Variants in NCOA1 observed in about 807,000 individuals in gnomAD.
The protein encoded by NCOA1 is Hin-2 protein.
In NCOA1, 35 loss-of-function variants were observed where a neutral mutation model predicts 150.9. That is an observed-to-expected ratio of 0.23 (90% confidence interval 0.18 to 0.31). NCOA1 has a LOEUF of 0.31. Among genes scored for constraint, NCOA1 ranks in the 10% least tolerant of loss-of-function variants. NCOA1 has a pLI of 1.00. For missense variants in NCOA1, 1,491 were observed against 1,749.3 expected (o/e 0.85, Z 2.63); for synonymous variants, 590 against 630.0 (o/e 0.94, Z 0.95).
intron 17 of NCOA1, among the ~76,000 whole-genome samples, chr2:24,734,804 T>TA (rs58003936): frequency 2.5e-4 from 37 of 149,116 alleles, no homozygotes; most frequent in East Asian, 9.8e-4. Flanking sequence ...ACCTTGTCTC[T>TA]AAAAAAAAAA....
At chr2:24,650,310 T>C (rs1193204464) in intron 4 of NCOA1, among the ~76,000 whole-genome samples, 2 of 151,960 alleles carry the variant, frequency 1.3e-5, no homozygotes, top group African/African-American at 4.8e-5. Context: ...TTAGGAGGCA[T>C]GCAAAGAAAC....
At chr2:24,625,082 G>A (rs752875951) in intron 3 of NCOA1, among the ~76,000 whole-genome samples, 4 of 152,018 alleles carry the variant, frequency 2.6e-5, no homozygotes, top group Non-Finnish European at 4.4e-5. Flanking sequence ...CTTGTCTCAC[G>A]GTAAGAAACA....
intron 1 of NCOA1, among the ~76,000 whole-genome samples, chr2:24,500,308 A>G (rs1022857776): frequency 2.6e-5 from 4 of 152,038 alleles, no homozygotes; most frequent in South Asian, 2.1e-4. Context: ...GGGTTTCTCC[A>G]TGTTGGTCAA....
intron 3 of NCOA1, among the ~76,000 whole-genome samples, chr2:24,586,981 A>AC (rs2148324237): frequency 6.6e-6 from 1 of 151,884 alleles, no homozygotes; most frequent in Admixed American, 6.6e-5. Context: ...TCTTCCTACT[A>AC]CCCTGGACCC....
At chr2:24,732,741 C>G (rs1321083965) in intron 17 of NCOA1, among the ~76,000 whole-genome samples, 1 of 152,068 alleles carries the variant, frequency 6.6e-6, no homozygotes, top group African/African-American at 2.4e-5. Context: ...ATCAAGGACC[C>G]AGGTTCTTTC....
chr2:24,613,388 AG>A (rs1236924836), intron 3 of NCOA1, among the ~76,000 whole-genome samples: 1 of 152,178 alleles, frequency 6.6e-6, no homozygotes, highest in Non-Finnish European at 1.5e-5. Context: ...GCTCAGCCCC[AG>A]GGGAGTGGGA....
chr2:24,621,772 G>T (rs1006598604), intron 3 of NCOA1, among the ~76,000 whole-genome samples: 1 of 152,064 alleles, frequency 6.6e-6, no homozygotes, highest in Admixed American at 6.5e-5. Context: ...GCGCCACCAC[G>T]CCCAGCCTTT....
intron 1 of NCOA1, among the ~76,000 whole-genome samples, chr2:24,557,594 A>G (rs1399128330): frequency 1.4e-5 from 2 of 147,668 alleles, no homozygotes; most frequent in East Asian, 2.0e-4. Flanking sequence ...ACCTGGTACT[A>G]TACTTCTGCC....
chr2:24,556,382 TTAGTC>T (rs1443373245), intron 1 of NCOA1, among the ~76,000 whole-genome samples: 2 of 152,224 alleles, frequency 1.3e-5, no homozygotes, highest in South Asian at 2.1e-4. Context: ...CACATTTTGT[TTAGTC>T]TATCATTGAT....
chr2:24,520,703 A>G (rs182739317), intron 1 of NCOA1, among the ~76,000 whole-genome samples: 3 of 152,234 alleles, frequency 2.0e-5, no homozygotes, highest in Non-Finnish European at 4.4e-5. Context: ...TGGTGTATAC[A>G]TGTGTCAAAA....
chr2:24,686,800 A>G (rs984923497), intron 8 of NCOA1, among the ~76,000 whole-genome samples: 1 of 152,202 alleles, frequency 6.6e-6, no homozygotes, highest in Non-Finnish European at 1.5e-5. Flanking sequence ...TTAGCAGCTT[A>G]TATTTGAGGG....
At chr2:24,692,507 G>T (rs188464324) in intron 9 of NCOA1, among the ~76,000 whole-genome samples, 59 of 152,206 alleles carry the variant, frequency 3.9e-4, no homozygotes, top group Admixed American at 1.1e-3. Flanking sequence ...GTGCTTCAGA[G>T]TTAAAGGTTG....
intron 1 of NCOA1, chr2:24,492,281 C>CA (rs1441595768): frequency 6.6e-6 from 1 of 152,270 alleles, no homozygotes; most frequent in Non-Finnish European, 1.5e-5. Flanking sequence ...GGAAGGGAAG[C>CA]AAACATGTTG....
chr2:24,524,495 CTG>C, intron 1 of NCOA1, among the ~76,000 whole-genome samples: 1 of 152,152 alleles, frequency 6.6e-6, no homozygotes, highest in East Asian at 1.9e-4. Flanking sequence ...GTGTCCCACT[CTG>C]TTGCCCACAC....
intron 4 of NCOA1, among the ~76,000 whole-genome samples, chr2:24,649,072 A>T (rs963599329): frequency 3.3e-5 from 5 of 151,862 alleles, no homozygotes; most frequent in South Asian, 2.1e-4. Context: ...GACATTTAAA[A>T]TTTTTTTTAA....
chr2:24,642,037 T>TGTGCGCGC (rs942145000), intron 3 of NCOA1, among the ~76,000 whole-genome samples: 10 of 138,558 alleles, frequency 7.2e-5, no homozygotes, highest in African/African-American at 2.3e-4. Context: ...TGTGTGTGTG[T>TGTGCGCGC]GCGCGCGTGC....
chr2:24,494,351 G>A (rs914831111), intron 1 of NCOA1, among the ~76,000 whole-genome samples: 3 of 152,040 alleles, frequency 2.0e-5, no homozygotes, highest in Admixed American at 1.3e-4. Context: ...CCTCTGTTCC[G>A]TACTTTAGTT....
At chr2:24,648,635 C>T (rs990689632) in intron 4 of NCOA1, among the ~76,000 whole-genome samples, 1 of 152,082 alleles carries the variant, frequency 6.6e-6, no homozygotes, top group East Asian at 1.9e-4. Flanking sequence ...TGAAGTTAAC[C>T]GGAGGTTTGT....
Position 24,752,761 on chromosome 2 carries a change from A to T in NCOA1, c.3881+605A>T, listed in dbSNP as rs150937806. ...GGGCACACAAGTTTCACTTTTCTCG[A>T]TGTATTTAAAGACTTTATAACAATA... On this transcript the variant is annotated intron_variant, in intron 20 of 22. Coordinates refer to ENST00000348332, the MANE Select transcript of NCOA1 (RefSeq NM_003743.5). Among the ~76,000 whole-genome samples the T allele has an allele frequency of 1.1e-3, 172 of 152,310 alleles. 3 individuals carry two copies. The East Asian group carries it at 0.031, about 27-fold the overall frequency.
Sources: gnomAD v4.1 joint callset for allele counts (sites outside exome capture counted in the v4.1 genomes callset) on GRCh38, gnomAD v4.1.1 for gene constraint, MANE v1.5 for transcripts, NCBI Gene and HGNC (gene_info 2026-07-23, HGNC 2026-07-21) for gene names.